The following B3GALT1 variants were observed in gnomAD, a reference collection of about 807,000 sequenced individuals.
The protein encoded by B3GALT1 is UDP-Gal:betaGlcNAc beta 1,3-galactosyltransferase, polypeptide 1.
A neutral mutation model predicts 23.2 loss-of-function variants in B3GALT1; 10 were observed. That is an observed-to-expected ratio of 0.43 (90% CI 0.27 to 0.73). The LOEUF (loss-of-function observed/expected upper bound fraction) is 0.73. Ranked by LOEUF, B3GALT1 falls within the 30% of genes least tolerant of loss-of-function variation. B3GALT1 has a pLI of 0.21. For missense variants in B3GALT1, 299 were observed against 405.4 expected, an observed-to-expected ratio of 0.74 and a Z score of 2.25; for synonymous variants, 156 against 141.5, an observed-to-expected ratio of 1.10 and a Z score of -0.73.
chr2:167,813,560 G>A (rs932798152), intron 3 of B3GALT1, among the ~76,000 whole-genome samples: 1 of 152,122 alleles, frequency 6.6e-6, no homozygotes, highest in Non-Finnish European at 1.5e-5. Flanking sequence ...ACTAACTGAT[G>A]TTTTTGCAAT....
At chr2:167,855,403 C>G (rs565824004) in intron 4 of B3GALT1, among the ~76,000 whole-genome samples, 70 of 152,166 alleles carry the variant, frequency 4.6e-4, no homozygotes, top group African/African-American at 1.6e-3. Flanking sequence ...CCTCAGCTTT[C>G]TCTTCTGTAA....
intron 4 of B3GALT1, among the ~76,000 whole-genome samples, chr2:167,855,350 A>G (rs1172341662): frequency 1.3e-5 from 2 of 152,164 alleles, no homozygotes; most frequent in African/African-American, 4.8e-5. Flanking sequence ...TTAATCACTC[A>G]TTAGCTATGT....
intron 3 of B3GALT1, among the ~76,000 whole-genome samples, chr2:167,689,771 A>G (rs1686680727): frequency 6.6e-6 from 1 of 152,100 alleles, no homozygotes; most frequent in Admixed American, 6.6e-5. Flanking sequence ...GGGATGAGAC[A>G]TGGTCTATTT....
intron 3 of B3GALT1, among the ~76,000 whole-genome samples, chr2:167,749,335 A>G (rs752493483): frequency 2.6e-5 from 4 of 152,126 alleles, no homozygotes; most frequent in African/African-American, 7.2e-5. Context: ...CTTCCTGCCC[A>G]TCTGTTTCTT....
intron 4 of B3GALT1, among the ~76,000 whole-genome samples, chr2:167,843,729 A>G (rs879155470): frequency 6.6e-6 from 1 of 152,200 alleles, no homozygotes; most frequent in Admixed American, 6.5e-5. Flanking sequence ...TGACCCATAA[A>G]TTGCAGGTTT....
chr2:167,601,464 G>A (rs1684876167), intron 2 of B3GALT1, among the ~76,000 whole-genome samples: 1 of 152,158 alleles, frequency 6.6e-6, no homozygotes, highest in Non-Finnish European at 1.5e-5. Context: ...AAAATCTATT[G>A]CTCTGGTCAT....
intron 3 of B3GALT1, among the ~76,000 whole-genome samples, chr2:167,784,593 A>G (rs1688311030): frequency 6.6e-6 from 1 of 152,218 alleles, no homozygotes; most frequent in Non-Finnish European, 1.5e-5. Flanking sequence ...TATTTGTAAT[A>G]GCACATAACT....
intron 1 of B3GALT1, among the ~76,000 whole-genome samples, chr2:167,402,533 T>C (rs1301886198): frequency 2.0e-5 from 3 of 152,172 alleles, no homozygotes; most frequent in African/African-American, 7.2e-5. Flanking sequence ...CTAAGGCTTA[T>C]TGTGCACTAG....
In B3GALT1 at chr2:167,296,354, C is replaced by T. The variant is rs765429967; in HGVS notation, c.-511+3020C>T. On this transcript the variant is annotated intron_variant, in intron 1 of 4. Coordinates refer to ENST00000392690, the MANE Select transcript of B3GALT1 (RefSeq NM_020981.4). ...ATAGGTAAGAAAGTGAGGTTTATAG[C>T]GATTTGTTTTAATTAATAGTGAAAT... 7.2e-5 allele frequency among the ~76,000 whole-genome samples: 11 copies of T among 152,112 alleles called. No homozygotes were observed. In the East Asian group the frequency reaches 7.7e-4, roughly 11 times the overall value.
chr2:167,337,379 C>T (rs772225209), intron 1 of B3GALT1, among the ~76,000 whole-genome samples: 4 of 151,990 alleles, frequency 2.6e-5, no homozygotes, highest in Non-Finnish European at 5.9e-5. Flanking sequence ...ACCATACACA[C>T]ACATGCACAC....
intron 1 of B3GALT1, among the ~76,000 whole-genome samples, chr2:167,369,106 T>C (rs1697639238): frequency 6.6e-6 from 1 of 150,436 alleles, no homozygotes; most frequent in Admixed American, 6.7e-5. Context: ...TGTGTGTGTG[T>C]GTATCTTTAT....
chr2:167,704,451 A>C (rs977283567), intron 3 of B3GALT1, among the ~76,000 whole-genome samples: 2 of 152,178 alleles, frequency 1.3e-5, no homozygotes, highest in African/African-American at 4.8e-5. Context: ...CCTTCTAAGC[A>C]GATATACACA....
At chr2:167,478,463 A>T (rs1020215322) in intron 1 of B3GALT1, among the ~76,000 whole-genome samples, 1 of 152,192 alleles carries the variant, frequency 6.6e-6, no homozygotes, top group Non-Finnish European at 1.5e-5. Flanking sequence ...TCCCAGATCT[A>T]CTGTGTTAAG....
At chr2:167,365,859 T>C (rs1259845876) in intron 1 of B3GALT1, among the ~76,000 whole-genome samples, 1 of 152,134 alleles carries the variant, frequency 6.6e-6, no homozygotes, top group Non-Finnish European at 1.5e-5. Context: ...CTCTAACAAG[T>C]ACTTATACAA....
At chr2:167,741,213 G>A (rs1224346974) in intron 3 of B3GALT1, among the ~76,000 whole-genome samples, 1 of 152,092 alleles carries the variant, frequency 6.6e-6, no homozygotes, top group African/African-American at 2.4e-5. Context: ...GGCATTTGAT[G>A]ACTTTGTTAG....
At chr2:167,309,989 A>G (rs556357640) in intron 1 of B3GALT1, among the ~76,000 whole-genome samples, 7 of 152,244 alleles carry the variant, frequency 4.6e-5, no homozygotes, top group Non-Finnish European at 8.8e-5. Flanking sequence ...GAAATAAGGA[A>G]GAATATATAA....
At chr2:167,701,964 C>T (rs770865680) in intron 3 of B3GALT1, among the ~76,000 whole-genome samples, 2 of 152,124 alleles carry the variant, frequency 1.3e-5, no homozygotes, top group South Asian at 2.1e-4. Context: ...TAAAATTTGG[C>T]GTGTCAGCTA....
intron 2 of B3GALT1, among the ~76,000 whole-genome samples, chr2:167,506,360 A>G (rs1286530556): frequency 2.6e-5 from 4 of 152,200 alleles, no homozygotes; most frequent in Non-Finnish European, 5.9e-5. Context: ...CAAAAAGGAG[A>G]CTATCTAAAA....
chr2:167,761,207 C>T (rs1687894520), intron 3 of B3GALT1, among the ~76,000 whole-genome samples: 1 of 152,180 alleles, frequency 6.6e-6, no homozygotes, highest in Non-Finnish European at 1.5e-5. Context: ...GTTTGAATTT[C>T]AGTAGCAGGT....
Sources: gnomAD v4.1 joint callset for allele counts (sites outside exome capture counted in the v4.1 genomes callset) on GRCh38, gnomAD v4.1.1 for gene constraint, MANE v1.5 for transcripts, NCBI Gene and HGNC (gene_info 2026-07-23, HGNC 2026-07-21) for gene names.